Variants in MTFR1 observed in about 807,000 individuals in gnomAD.
The protein encoded by MTFR1 is chondrocyte protein with a poly-proline region.
A neutral mutation model predicts 38.8 loss-of-function variants in MTFR1; 28 were observed. The observed-to-expected ratio is 0.72, with a 90% CI of 0.53 to 0.99. MTFR1 has a LOEUF of 0.99. Ranked by LOEUF, MTFR1 falls within the 50% of genes least tolerant of loss-of-function variation. The probability of loss-of-function intolerance (pLI) is 0.00; values close to 1 mark genes in which losing one functional copy is unlikely to be tolerated. For missense variants in MTFR1, 358 were observed against 395.5 expected (o/e 0.91, Z 0.81); for synonymous variants, 145 against 137.0 (o/e 1.06, Z -0.41).
chr8:65,676,367 A>G (rs545664580), intron 2 of MTFR1, among the ~76,000 whole-genome samples: 1 of 152,048 alleles, frequency 6.6e-6, no homozygotes, highest in East Asian at 1.9e-4. Context: ...TATTTTATTT[A>G]TTTTTGTTTG....
chr8:65,670,012 G>T lies in MTFR1; in HGVS notation c.60G>T (p.Met20Ile). ...TTTTTCAACAAGTTGGAGTAAGCATGCAATCGGTGAGTGCTCAAAATTCAT... is the reference window on the plus strand; with the variant it reads ...TTTTTCAACAAGTTGGAGTAAGCATTCAATCGGTGAGTGCTCAAAATTCAT... ...RMVFQQVGVS[M>I]QSVLWSRKPY... The change falls in exon 2 of 8, where the codon ATG becomes ATT. Residue 20 changes from methionine to isoleucine, a missense_variant. Met to Ile is a conservative substitution (Grantham distance 10). Coordinates refer to ENST00000262146, the MANE Select transcript of MTFR1 (RefSeq NM_014637.4). 6.2e-7 allele frequency: 1 copy of T among 1,603,080 alleles called. No homozygotes were observed. Among genetic ancestry groups the T allele is most frequent in the Non-Finnish European group, 8.5e-7 (1 of 1,177,698 alleles).
chr8:65,760,627 TA>T (rs1329253875), intron 3 of MTFR1, among the ~76,000 whole-genome samples: 3 of 152,196 alleles, frequency 2.0e-5, no homozygotes, highest in Non-Finnish European at 4.4e-5. Context: ...AAATCAAGGA[TA>T]AAACATGATG....
chr8:65,663,837 T>G (rs1288750916), intron 1 of MTFR1, among the ~76,000 whole-genome samples: 1 of 145,704 alleles, frequency 6.9e-6, no homozygotes, highest in South Asian at 2.2e-4. Context: ...TTTTTTTTTT[T>G]TTTTTGAGAC....
intron 3 of MTFR1, among the ~76,000 whole-genome samples, chr8:65,683,927 T>G (rs1804986120): frequency 6.6e-6 from 1 of 152,222 alleles, no homozygotes. Context: ...CTGCTCTTAT[T>G]TGCCAGTTTC....
intron 3 of MTFR1, among the ~76,000 whole-genome samples, chr8:65,751,181 T>C (rs1443237148): frequency 6.6e-6 from 1 of 152,206 alleles, no homozygotes; most frequent in Non-Finnish European, 1.5e-5. Flanking sequence ...TATATTCTGG[T>C]AAAGAATGAA....
intron 3 of MTFR1, among the ~76,000 whole-genome samples, chr8:65,731,388 G>C (rs1406118935): frequency 6.6e-6 from 1 of 152,224 alleles, no homozygotes; most frequent in Non-Finnish European, 1.5e-5. Flanking sequence ...TTCAGTGCTA[G>C]AGTGGGTTTA....
At chr8:65,655,949 AAAATATATATATATATATACCATATAT>A (rs1809242736) in intron 1 of MTFR1, among the ~76,000 whole-genome samples, 1 of 15,728 alleles carries the variant, frequency 6.4e-5, no homozygotes, top group Admixed American at 4.4e-4. Flanking sequence ...CTTAAAAAAA[AAAATATATATATATATATACCATATAT>A]ATATATATGG....
downstream of MTFR1, chr8:65,714,408 T>C (rs762785627): frequency 3.3e-5 from 5 of 152,130 alleles, no homozygotes; most frequent in Non-Finnish European, 7.3e-5. Context: ...ACCAGGAAGA[T>C]GGAGGAGACC....
intron 3 of MTFR1, chr8:65,765,413 C>T (rs909332716): frequency 3.6e-5 from 5 of 140,200 alleles, no homozygotes; most frequent in Admixed American, 2.2e-4. Flanking sequence ...GGCGTGAACC[C>T]GGGAGGCGGA....
Position 65,735,708 on chromosome 8 carries a change from G to A in MTFR1, c.*48+16227G>A, listed in dbSNP as rs1251058951. On this transcript the variant is annotated intron_variant, in intron 3 of 3. Transcript: ENST00000521247. The stretch of plus-strand genomic sequence containing the variant: ...GCATGATCTCAGCTAACTGTGCAAC[G>A]CCCACCTCCTGAGTTCAAGTGATCC... 4.6e-5 allele frequency among the ~76,000 whole-genome samples: 7 copies of A among 152,120 alleles called. No homozygotes were observed. The South Asian group carries it at 6.2e-4, about 14-fold the overall frequency.
chr8:65,674,303 C>CTT (rs762067963), intron 2 of MTFR1, among the ~76,000 whole-genome samples: 3 of 137,412 alleles, frequency 2.2e-5, no homozygotes, highest in Non-Finnish European at 4.8e-5. Context: ...TTTATTTTAT[C>CTT]TTTTTTTTTT....
intron 1 of MTFR1, among the ~76,000 whole-genome samples, chr8:65,666,862 C>T (rs1321676445): frequency 2.0e-5 from 3 of 152,216 alleles, no homozygotes; most frequent in African/African-American, 7.2e-5. Context: ...TTCTTTTACA[C>T]TCCCTGGCAC....
chr8:65,716,583 C>G (rs1806153192), intron 2 of MTFR1, among the ~76,000 whole-genome samples: 1 of 152,162 alleles, frequency 6.6e-6, no homozygotes, highest in Admixed American at 6.5e-5. Flanking sequence ...GCTTCCCTTG[C>G]TCAGAATCCA....
At chr8:65,766,923 T>A (rs1342020527) in intron 3 of MTFR1, among the ~76,000 whole-genome samples, 1 of 152,092 alleles carries the variant, frequency 6.6e-6, no homozygotes, top group Non-Finnish European at 1.5e-5. Context: ...TTGAGGAAGT[T>A]TCTCAATGGG....
intron 3 of MTFR1, chr8:65,725,350 T>C (rs916767591): frequency 6.4e-6 from 1 of 155,872 alleles, no homozygotes; most frequent in African/African-American, 2.4e-5. Context: ...AAGATTCAAA[T>C]AGAAAGAATA....
chr8:65,719,929 C>T (rs77950482), intron 3 of MTFR1, among the ~76,000 whole-genome samples: 2,398 of 152,304 alleles, frequency 0.016, 65 homozygotes, highest in African/African-American at 0.055. Context: ...GTGGAGCTGG[C>T]AGTAGTCTAC....
At chr8:65,776,588 A>T in the MTFR1 span, among the ~76,000 whole-genome samples, 1 of 152,146 alleles carries the variant, frequency 6.6e-6, no homozygotes, top group South Asian at 2.1e-4. Context: ...CTATGTAATC[A>T]CTTACAGTTT....
chr8:65,657,249 G>A lies in MTFR1; in HGVS notation c.-81+12465G>A, dbSNP rs557826215. Among the ~76,000 whole-genome samples the A allele has an allele frequency of 4.5e-4, 69 of 152,270 alleles. 1 individual carries two copies. The highest frequency in any genetic ancestry group is 3.3e-3 in the Admixed American group (50 of 15,288). ...GCTGGTCTCGAATTCCTGACCCCAT[G>A]TGATCCACCCACCTTGGCCTCCCAA... On this transcript the variant is annotated intron_variant, in intron 1 of 7. Coordinates refer to ENST00000262146, the MANE Select transcript of MTFR1 (RefSeq NM_014637.4).
intron 3 of MTFR1, among the ~76,000 whole-genome samples, chr8:65,769,789 A>G (rs58213885): frequency 0.12 from 18,799 of 152,098 alleles, 1,505 homozygotes; most frequent in African/African-American, 0.23. Context: ...CTTGCTACTC[A>G]GGAGGTTGAG....
Sources: allele counts gnomAD v4.1 joint callset (sites outside exome capture counted in the v4.1 genomes callset), GRCh38; gene constraint gnomAD v4.1.1; transcripts MANE v1.5; gene names NCBI Gene and HGNC (gene_info 2026-07-23, HGNC 2026-07-21).